CPEB1: variants seen among roughly 807,000 people sequenced by gnomAD.
CPEB1 encodes cytoplasmic polyadenylation element-binding protein 1.
CPEB1 carries 7 observed loss-of-function variants against 65.8 expected under a neutral mutation model. The ratio of observed to expected loss-of-function variants is 0.11; its 90% CI spans 0.06 to 0.20. The LOEUF (loss-of-function observed/expected upper bound fraction) is 0.20. Ranked by LOEUF, CPEB1 falls within the 10% of genes least tolerant of loss-of-function variation. The pLI is 1.00. For synonymous variants in CPEB1, 262 were observed against 260.0 expected (o/e 1.01, Z -0.08); for missense variants, 551 against 712.2 (o/e 0.77, Z 2.58).
chr15:82,548,618 G>A (rs1234254214), intron 10 of CPEB1: 3 of 411,668 alleles, frequency 7.3e-6, no homozygotes, highest in Non-Finnish European at 4.9e-6. Context: ...ACACTTGTCT[G>A]AAGGGTAAGC....
At chr15:82,582,081 A>C (rs1216443799) in intron 3 of CPEB1, among the ~76,000 whole-genome samples, 1 of 152,244 alleles carries the variant, frequency 6.6e-6, no homozygotes, top group African/African-American at 2.4e-5. Flanking sequence ...ACTCTGCAAA[A>C]GGAGATAATG....
chr15:82,626,647 T>C (rs980725333), intron 3 of CPEB1, among the ~76,000 whole-genome samples: 1 of 152,160 alleles, frequency 6.6e-6, no homozygotes, highest in African/African-American at 2.4e-5. Flanking sequence ...ACTAAATGCG[T>C]GCTGACTCAT....
At chr15:82,626,967 T>TC (rs545379515) in intron 3 of CPEB1, among the ~76,000 whole-genome samples, 7 of 152,316 alleles carry the variant, frequency 4.6e-5, no homozygotes, top group African/African-American at 9.6e-5. Context: ...TTTTCTTTTT[T>TC]CCCCAACCTT....
rs2045552692 is a variant in CPEB1, at chr15:82,624,170, C to T, written c.271+3023G>A. 2.0e-5 allele frequency among the ~76,000 whole-genome samples: 3 copies of T among 152,252 alleles called. No homozygotes were observed. In the South Asian group the frequency reaches 6.2e-4, roughly 32 times the overall value. ...AAAATGCTCTCTGCTGTAGGCCAGG[C>T]ATCCTTGTTTCACCATTCGAGAATA... On this transcript the variant is annotated intron_variant, in intron 3 of 12. Coordinates refer to ENST00000684509, the MANE Select transcript of CPEB1 (RefSeq NM_001365242.1).
intron 4 of CPEB1, among the ~76,000 whole-genome samples, chr15:82,569,896 C>CA (rs1423408032): frequency 2.0e-5 from 3 of 152,188 alleles, no homozygotes; most frequent in Admixed American, 6.5e-5. Context: ...AGGCTGGCTT[C>CA]ATAGGCCCCC....
chr15:82,587,945 A>AGGCTCT (rs1223581554), intron 3 of CPEB1, among the ~76,000 whole-genome samples: 2 of 152,068 alleles, frequency 1.3e-5, no homozygotes, highest in Non-Finnish European at 2.9e-5. Flanking sequence ...GTTTTGAGAC[A>AGGCTCT]GGCTCTGGCT....
At chr15:82,557,706 G>A (rs1262355113) in intron 5 of CPEB1, 54 bp downstream of exon 5, 1 of 1,494,886 alleles carries the variant, frequency 6.7e-7, no homozygotes, top group Non-Finnish European at 9.3e-7. Flanking sequence ...CTTCCCCTTG[G>A]ACACACACAG....
intron 3 of CPEB1, among the ~76,000 whole-genome samples, chr15:82,610,398 A>C (rs2151239015): frequency 6.6e-6 from 1 of 152,340 alleles, no homozygotes; most frequent in Non-Finnish European, 1.5e-5. Context: ...TCAGGCAGAG[A>C]CCACAAGAAA....
At chr15:82,603,613 C>T (rs894618921) in intron 3 of CPEB1, among the ~76,000 whole-genome samples, 1 of 152,082 alleles carries the variant, frequency 6.6e-6, no homozygotes, top group African/African-American at 2.4e-5. Context: ...GTGAAGAATA[C>T]AAGAATACTG....
At chr15:82,595,651 T>C (rs1311395053) in intron 3 of CPEB1, among the ~76,000 whole-genome samples, 2 of 152,204 alleles carry the variant, frequency 1.3e-5, no homozygotes, top group African/African-American at 2.4e-5. Context: ...AGCTCAATAT[T>C]ATGAAAGAAA....
At chr15:82,599,618 T>A (rs923487158) in intron 3 of CPEB1, among the ~76,000 whole-genome samples, 20 of 152,182 alleles carry the variant, frequency 1.3e-4, no homozygotes, top group Admixed American at 3.3e-4. Flanking sequence ...TAGTCTATGA[T>A]GGAATCTCTT....
chr15:82,601,063 C>G (rs548599611), intron 3 of CPEB1, among the ~76,000 whole-genome samples: 1 of 151,210 alleles, frequency 6.6e-6, no homozygotes, highest in East Asian at 2.0e-4. Flanking sequence ...TGCCACCACA[C>G]CGAGCTAATT....
chr15:82,627,268 T>G lies in CPEB1; in HGVS notation c.196A>C (p.Ile66Leu). Residue 66 changes from isoleucine (I) to leucine (L), a missense_variant, in exon 3 of 13, where the codon ATA becomes CTA. Around this residue, in one of 6 missense-constraint regions of CPEB1, gnomAD observed 223 missense variants for 228.6 expected, o/e 0.98. Coordinates refer to ENST00000684509, the MANE Select transcript of CPEB1 (RefSeq NM_001365242.1). ...NANIFRRINA[I>L]LDNSLDFSRV... Reference sequence around the variant, plus strand: ...CTGAAATCCAGAGAATTATCCAATATGGCATTTATCCTTCGAAAGATATTG... The same window carrying G: ...CTGAAATCCAGAGAATTATCCAATAGGGCATTTATCCTTCGAAAGATATTG... 6.2e-7 allele frequency: 1 copy of G among 1,613,816 alleles called. No individual in the cohort carries two copies. Among genetic ancestry groups the G allele is most frequent in the South Asian group, 1.1e-5 (1 of 91,066 alleles).
At chr15:82,572,745 T>G (rs1306274945) in intron 3 of CPEB1, among the ~76,000 whole-genome samples, 1 of 152,196 alleles carries the variant, frequency 6.6e-6, no homozygotes, top group Non-Finnish European at 1.5e-5. Flanking sequence ...CTGAGCATGA[T>G]ACAGGGCAGC....
intron 3 of CPEB1, among the ~76,000 whole-genome samples, chr15:82,606,588 G>A (rs2043625825): frequency 2.1e-5 from 1 of 47,494 alleles, no homozygotes. Flanking sequence ...GGAGGCCGAG[G>A]CGGGCGGATC....
rs587608602 is a variant in CPEB1 at position 82,645,300 on chromosome 15, C to T, written c.-98+1837G>A. 9.9e-5 allele frequency among the ~76,000 whole-genome samples: 15 copies of T among 152,234 alleles called. No individual in the cohort carries two copies. The South Asian group carries it at 3.1e-3, about 32-fold the overall frequency. On this transcript the variant is annotated intron_variant, in intron 1 of 12. Transcript: ENST00000684509. ...CCCAAGTAGCTTCGATTATAGGCGCCCACCACCATGCCCGGCTAATTTTTG... is the reference window on the plus strand; with the variant it reads ...CCCAAGTAGCTTCGATTATAGGCGCTCACCACCATGCCCGGCTAATTTTTG...
chr15:82,602,220 C>T (rs2043179958), intron 3 of CPEB1, among the ~76,000 whole-genome samples: 1 of 152,062 alleles, frequency 6.6e-6, no homozygotes, highest in Admixed American at 6.6e-5. Flanking sequence ...TAGAAAGTCC[C>T]AAATACCTGA....
At chr15:82,584,437 G>A (rs1230253342) in intron 3 of CPEB1, among the ~76,000 whole-genome samples, 2 of 151,924 alleles carry the variant, frequency 1.3e-5, no homozygotes, top group African/African-American at 4.8e-5. Flanking sequence ...CAGCACTTTG[G>A]GAGGCAAAGG....
chr15:82,638,552 G>A (rs978829715), intron 1 of CPEB1: 3 of 152,090 alleles, frequency 2.0e-5, no homozygotes, highest in African/African-American at 4.8e-5. Context: ...TTCTTATGAA[G>A]TGACTGACTT....
Sources: gnomAD v4.1 joint callset for allele counts (sites outside exome capture counted in the v4.1 genomes callset) on GRCh38, gnomAD v4.1.1 for gene constraint, gnomAD v4.1.1 regional missense constraint, MANE v1.5 for transcripts, NCBI Gene and HGNC (gene_info 2026-07-23, HGNC 2026-07-21) for gene names.